The following NALF1 variants were observed in gnomAD, a reference collection of about 807,000 sequenced individuals.
The protein encoded by NALF1 is family with sequence similarity 155 member A.
Under a neutral mutation model 48.4 loss-of-function variants are expected in NALF1, and 3 were observed. That is an observed-to-expected ratio of 0.06 (90% CI 0.03 to 0.16). The LOEUF (loss-of-function observed/expected upper bound fraction) is 0.16, where lower values mean the gene tolerates loss of function less well. Ranked by LOEUF, NALF1 falls within the 10% of genes least tolerant of loss-of-function variation. The pLI, the probability that NALF1 is intolerant of heterozygous loss-of-function variation, is 1.00. For missense variants in NALF1, 526 were observed against 571.5 expected (o/e 0.92, Z 0.81); for synonymous variants, 262 against 245.7 (o/e 1.07, Z -0.62).
intron 1 of NALF1, among the ~76,000 whole-genome samples, chr13:107,256,673 C>T (rs1880822456): frequency 6.7e-6 from 1 of 149,882 alleles, no homozygotes; most frequent in African/African-American, 2.5e-5. Flanking sequence ...AAAATAACAA[C>T]CAATAAAAGT....
intron 1 of NALF1, among the ~76,000 whole-genome samples, chr13:107,442,066 G>C (rs918996932): frequency 1.3e-5 from 2 of 152,160 alleles, no homozygotes; most frequent in African/African-American, 4.8e-5. Flanking sequence ...GTGCTATTTG[G>C]GGAATATTTC....
At chr13:107,810,825 A>G (rs1878965309) in intron 1 of NALF1, among the ~76,000 whole-genome samples, 1 of 152,062 alleles carries the variant, frequency 6.6e-6, no homozygotes, top group Admixed American at 6.6e-5. Flanking sequence ...CTAGATCTTC[A>G]AAGTCTCTCC....
At chr13:107,731,451 G>T (rs1321477898) in intron 1 of NALF1, among the ~76,000 whole-genome samples, 1 of 151,916 alleles carries the variant, frequency 6.6e-6, no homozygotes, top group South Asian at 2.1e-4. Context: ...TTGTTATATA[G>T]GTAAACTTGT....
intron 1 of NALF1, among the ~76,000 whole-genome samples, chr13:107,581,048 G>A (rs564009868): frequency 6.6e-6 from 1 of 152,264 alleles, no homozygotes; most frequent in South Asian, 2.1e-4. Flanking sequence ...AAAAGGCTCT[G>A]GCTGTGAAAA....
Position 107,450,383 on chromosome 13 carries a change from T to C in NALF1, c.916-239628A>G, listed in dbSNP as rs1594069678. On this transcript the variant is annotated intron_variant, in intron 1 of 2. Transcript: ENST00000375915. The stretch of plus-strand genomic sequence containing the variant: ...CTTTTGTGGCCAGCATGGGAGGGAG[T>C]GGTCAGGGCTGAAAAGACAAGCCAA... Among the ~76,000 whole-genome samples the C allele has an allele frequency of 2.0e-5, 3 of 150,366 alleles. No individual in the cohort carries two copies. In the East Asian group the frequency reaches 5.9e-4, roughly 29 times the overall value.
chr13:107,331,720 C>T (rs749992363), intron 1 of NALF1, among the ~76,000 whole-genome samples: 1 of 151,888 alleles, frequency 6.6e-6, no homozygotes, highest in Non-Finnish European at 1.5e-5. Context: ...GAACATGAAG[C>T]AATTTTTATA....
chr13:107,684,529 G>A (rs951537867), intron 1 of NALF1, among the ~76,000 whole-genome samples: 11 of 152,102 alleles, frequency 7.2e-5, no homozygotes, highest in Admixed American at 6.5e-4. Flanking sequence ...AGAGTACCCA[G>A]GAGGACTCTG....
At chr13:107,667,453 T>C (rs1398249736) in intron 1 of NALF1, among the ~76,000 whole-genome samples, 1 of 152,060 alleles carries the variant, frequency 6.6e-6, no homozygotes, top group African/African-American at 2.4e-5. Flanking sequence ...TTTTGGTTAT[T>C]TAAAATTTAA....
intron 1 of NALF1, among the ~76,000 whole-genome samples, chr13:107,263,871 A>G (rs1010399148): frequency 6.6e-6 from 1 of 152,162 alleles, no homozygotes; most frequent in African/African-American, 2.4e-5. Flanking sequence ...CTAGATTAAA[A>G]ACATGTTGGA....
intron 1 of NALF1, among the ~76,000 whole-genome samples, chr13:107,401,957 C>A (rs760873325): frequency 1.3e-5 from 2 of 152,112 alleles, no homozygotes; most frequent in Non-Finnish European, 2.9e-5. Context: ...TATAAAAAGT[C>A]ACTTTACTCT....
intron 1 of NALF1, among the ~76,000 whole-genome samples, chr13:107,854,883 AG>A (rs150394847): frequency 0.018 from 2,267 of 125,662 alleles, 63 homozygotes; most frequent in African/African-American, 0.059. Flanking sequence ...AAAAAAAAAA[AG>A]AAAAAAAGAC....
At chr13:107,288,686 C>G (rs1334958223) in intron 1 of NALF1, among the ~76,000 whole-genome samples, 2 of 151,824 alleles carry the variant, frequency 1.3e-5, no homozygotes, top group East Asian at 3.9e-4. Flanking sequence ...TGCCTGCCAC[C>G]ACGCCCGGCT....
chr13:107,461,396 T>A (rs1330773122), intron 1 of NALF1, among the ~76,000 whole-genome samples: 1 of 152,222 alleles, frequency 6.6e-6, no homozygotes, highest in Non-Finnish European at 1.5e-5. Context: ...ATGTCATTTA[T>A]GAACTAAACA....
chr13:107,634,061 T>C (rs572080315), intron 1 of NALF1, among the ~76,000 whole-genome samples: 5 of 151,996 alleles, frequency 3.3e-5, no homozygotes, highest in Non-Finnish European at 7.4e-5. Context: ...TCAAGATACA[T>C]GTATCACGAA....
intron 1 of NALF1, among the ~76,000 whole-genome samples, chr13:107,656,983 T>C (rs1295525838): frequency 7.2e-5 from 11 of 151,854 alleles, no homozygotes; most frequent in Admixed American, 7.2e-4. Flanking sequence ...GAATGATACA[T>C]TGGACTTTGA....
chr13:107,226,830 T>A (rs1441034888), intron 1 of NALF1, among the ~76,000 whole-genome samples: 1 of 152,138 alleles, frequency 6.6e-6, no homozygotes, highest in Non-Finnish European at 1.5e-5. Context: ...TTTCCTCTAT[T>A]CCATGGGTTT....
chr13:107,865,523 A>G (rs1880687264), intron 1 of NALF1, among the ~76,000 whole-genome samples, 159 bp downstream of exon 1: 1 of 152,078 alleles, frequency 6.6e-6, no homozygotes, highest in Non-Finnish European at 1.5e-5. Flanking sequence ...TCCACCAGGT[A>G]TTCTCATCTC....
intron 1 of NALF1, among the ~76,000 whole-genome samples, chr13:107,861,163 C>T (rs2138649963): frequency 6.6e-6 from 1 of 152,100 alleles, no homozygotes; most frequent in African/African-American, 2.4e-5. Flanking sequence ...AAACCATAAA[C>T]TAAAATGATT....
At chr13:107,222,730 G>C (rs1417462504) in intron 1 of NALF1, among the ~76,000 whole-genome samples, 6 of 152,136 alleles carry the variant, frequency 3.9e-5, no homozygotes, top group African/African-American at 1.4e-4. Flanking sequence ...AACTGACTAG[G>C]CAAGACCCGA....
Sources: allele counts gnomAD v4.1 joint callset (sites outside exome capture counted in the v4.1 genomes callset), GRCh38; gene constraint gnomAD v4.1.1; transcripts MANE v1.5; gene names NCBI Gene and HGNC (gene_info 2026-07-23, HGNC 2026-07-21).